Variants in TMEM45A observed in about 807,000 individuals in gnomAD.
TMEM45A encodes transmembrane protein 45A.
A neutral mutation model predicts 32.0 loss-of-function variants in TMEM45A; 25 were observed. The observed-to-expected ratio is 0.78, with a 90% CI of 0.57 to 1.09. The LOEUF (loss-of-function observed/expected upper bound fraction) is 1.09, where lower values mean the gene tolerates loss of function less well. Among genes scored for constraint, TMEM45A ranks in the 50% least tolerant of loss-of-function variants. The probability of loss-of-function intolerance (pLI) is 0.00; values close to 1 mark genes in which losing one functional copy is unlikely to be tolerated. For synonymous variants in TMEM45A, 122 were observed against 114.8 expected (o/e 1.06, Z -0.40); for missense variants, 302 against 325.0 (o/e 0.93, Z 0.54).
At chr3:100,519,623 T>G in intron 1 of TMEM45A, 1 of 1,550,696 alleles carries the variant, frequency 6.4e-7, no homozygotes, top group Non-Finnish European at 8.7e-7. Context: ...GTTTGGCGTT[T>G]CTGCAGTAAC....
At chr3:100,494,100 G>T (rs918032590) in intron 1 of TMEM45A, among the ~76,000 whole-genome samples, 2 of 152,190 alleles carry the variant, frequency 1.3e-5, no homozygotes. Flanking sequence ...CATGCTTGCA[G>T]ATAGTTCCGG....
chr3:100,523,088 CA>C (rs1328968254), intron 1 of TMEM45A, among the ~76,000 whole-genome samples: 3 of 152,176 alleles, frequency 2.0e-5, no homozygotes, highest in African/African-American at 7.2e-5. Context: ...TCCATCCTAC[CA>C]TATTCTGGGG....
intron 1 of TMEM45A, among the ~76,000 whole-genome samples, chr3:100,515,483 TG>T (rs1164922028): frequency 1.3e-4 from 8 of 62,076 alleles, no homozygotes; most frequent in African/African-American, 5.2e-4. Flanking sequence ...TGTTATGGGG[TG>T]GGGGGAGGGG....
intron 1 of TMEM45A, among the ~76,000 whole-genome samples, chr3:100,495,908 A>G (rs1363477056): frequency 6.6e-6 from 1 of 152,208 alleles, no homozygotes; most frequent in African/African-American, 2.4e-5. Flanking sequence ...GTGTATGCCG[A>G]GTAGCTCTTT....
At chr3:100,520,561 C>T (rs779297955) in intron 1 of TMEM45A, among the ~76,000 whole-genome samples, 2 of 152,124 alleles carry the variant, frequency 1.3e-5, no homozygotes, top group Non-Finnish European at 2.9e-5. Flanking sequence ...ACATTGGGTA[C>T]CTACCTGCAG....
chr3:100,526,657 A>G (rs894866302), intron 1 of TMEM45A, among the ~76,000 whole-genome samples: 2 of 152,228 alleles, frequency 1.3e-5, no homozygotes, highest in African/African-American at 4.8e-5. Context: ...CAAGTTAGCC[A>G]TAAAGAACTT....
chr3:100,546,990 T>C (rs1353730827), intron 1 of TMEM45A, among the ~76,000 whole-genome samples: 1 of 152,124 alleles, frequency 6.6e-6, no homozygotes, highest in East Asian at 1.9e-4. Flanking sequence ...GGGTTAGGGG[T>C]CTGGCCACCC....
chr3:100,556,908 C>T lies in TMEM45A; in HGVS notation c.339C>T (p.Phe113=). Residue 113 remains phenylalanine, a synonymous_variant, in exon 3 of 6, where the codon TTC becomes TTT. Coordinates refer to ENST00000323523, the MANE Select transcript of TMEM45A (RefSeq NM_018004.3). ...TGGGTGTGGCAGATATCTTATGTTT[C>T]ACCATCAGTTCACTTCCTGTGTCCT... is the stretch of plus-strand genomic sequence containing the variant. The part of the protein sequence containing the change: ...GLLGVADILC[F]TISSLPVSLT... The T allele has an allele frequency of 3.1e-6, 5 of 1,614,180 alleles. No individual in the cohort carries two copies. The highest frequency in any genetic ancestry group is 1.7e-5 in the Admixed American group (1 of 60,026).
chr3:100,505,405 CAGA>C (rs1196133179), intron 1 of TMEM45A, among the ~76,000 whole-genome samples: 1 of 134,102 alleles, frequency 7.5e-6, no homozygotes, highest in Non-Finnish European at 1.7e-5. Flanking sequence ...TTTGGACTTT[CAGA>C]AGAAGATTTC....
At chr3:100,553,589 C>A (rs1295788358) in intron 1 of TMEM45A, among the ~76,000 whole-genome samples, 1 of 152,124 alleles carries the variant, frequency 6.6e-6, no homozygotes. Context: ...TAAACCAAAA[C>A]AGAACTCAGC....
At chr3:100,499,615 G>A (rs532511895) in intron 1 of TMEM45A, among the ~76,000 whole-genome samples, 2 of 152,126 alleles carry the variant, frequency 1.3e-5, no homozygotes, top group Non-Finnish European at 1.5e-5. Context: ...AGTGGCTCAC[G>A]CTTTTAATCC....
intron 1 of TMEM45A, among the ~76,000 whole-genome samples, chr3:100,541,609 C>T (rs770829125): frequency 9.3e-5 from 14 of 150,760 alleles, no homozygotes; most frequent in African/African-American, 2.7e-4. Flanking sequence ...GACTCACTGC[C>T]GCCTCACCTT....
Position 100,503,723 on chromosome 3 carries a change from T to C in TMEM45A, c.-4+10795T>C, listed in dbSNP as rs1466735909. On this transcript the variant is annotated intron_variant, in intron 1 of 5. Transcript: ENST00000323523. ...TGAACAACTAATGACTGAGTGACTG[T>C]TGGTTAGGTTTCAACCTCTTCTCAG... Among the ~76,000 whole-genome samples, 3 of 152,216 alleles carry C rather than the reference T, an allele frequency of 2.0e-5. No homozygotes were observed. In the East Asian group the frequency reaches 5.8e-4, roughly 29 times the overall value.
chr3:100,503,320 G>T (rs1576256338), intron 1 of TMEM45A, among the ~76,000 whole-genome samples: 1 of 152,224 alleles, frequency 6.6e-6, no homozygotes, highest in South Asian at 2.1e-4. Context: ...GGCCAGACTG[G>T]TCTTGAACTC....
At chr3:100,557,800 A>C (rs975476852) in intron 3 of TMEM45A, among the ~76,000 whole-genome samples, 1 of 152,198 alleles carries the variant, frequency 6.6e-6, no homozygotes, top group Non-Finnish European at 1.5e-5. Context: ...CTTTGTCTTC[A>C]TGAAAAAGAT....
intron 1 of TMEM45A, among the ~76,000 whole-genome samples, chr3:100,533,777 A>T (rs747354745): frequency 6.6e-6 from 1 of 152,074 alleles, no homozygotes; most frequent in Non-Finnish European, 1.5e-5. Flanking sequence ...CAAGAACTTT[A>T]CTTGTATTAT....
chr3:100,499,972 A>T (rs537791641), intron 1 of TMEM45A, among the ~76,000 whole-genome samples: 14 of 152,288 alleles, frequency 9.2e-5, no homozygotes, highest in South Asian at 2.1e-4. Context: ...TATTTTTTTT[A>T]AAACTATTTT....
chr3:100,539,398 T>C (rs561887703), intron 1 of TMEM45A, among the ~76,000 whole-genome samples: 15 of 145,878 alleles, frequency 1.0e-4, no homozygotes, highest in Middle Eastern at 3.6e-3. Context: ...ATGCCCACAG[T>C]ATTAGGGTTC....
At chr3:100,507,713 C>T (rs1255658621) in intron 1 of TMEM45A, among the ~76,000 whole-genome samples, 1 of 152,032 alleles carries the variant, frequency 6.6e-6, no homozygotes, top group East Asian at 1.9e-4. Context: ...GAGAACAATT[C>T]ACTTACAGTT....
Sources: allele counts gnomAD v4.1 joint callset (sites outside exome capture counted in the v4.1 genomes callset), GRCh38; gene constraint gnomAD v4.1.1; transcripts MANE v1.5; gene names NCBI Gene and HGNC (gene_info 2026-07-23, HGNC 2026-07-21).